CADPS: variants seen among roughly 807,000 people sequenced by gnomAD.
CADPS encodes the protein calcium-dependent secretion activator 1.
Under a neutral mutation model 167.3 loss-of-function variants are expected in CADPS, and 57 were observed. The ratio of observed to expected loss-of-function variants is 0.34; its 90% CI spans 0.28 to 0.42. CADPS has a LOEUF of 0.42. Ranked by LOEUF, CADPS falls within the 20% of genes least tolerant of loss-of-function variation. The probability of loss-of-function intolerance (pLI) is 1.00; values close to 1 mark genes in which losing one functional copy is unlikely to be tolerated. For synonymous variants in CADPS, 676 were observed against 635.3 expected (o/e 1.06, Z -0.96); for missense variants, 1,414 against 1,738.1 (o/e 0.81, Z 3.32).
chr3:62,532,756 T>C (rs1475683964), intron 13 of CADPS, 115 bp downstream of exon 13: 5 of 739,362 alleles, frequency 6.8e-6, no homozygotes, highest in South Asian at 1.7e-5. Context: ...TGTGTACGTG[T>C]GCACATACCA....
chr3:62,550,969 C>T, intron 10 of CADPS: 2 of 455,636 alleles, frequency 4.4e-6, no homozygotes, highest in African/African-American at 2.0e-5. Context: ...GTGGCTCCTC[C>T]TCCTCCTCTT....
Position 62,515,963 on chromosome 3 carries a change from C to A in CADPS, c.2581+96G>T, listed in dbSNP as rs542379011. The A allele has an allele frequency of 4.7e-4, 686 of 1,460,906 alleles. 10 individuals are homozygous for A. The South Asian group carries it at 7.9e-3, about 17-fold the overall frequency. 90.5% of individuals were successfully genotyped at this position (1,460,906 alleles called of 1,614,324 possible). A position where few individuals can be genotyped will look rare whatever the true frequency, so the allele number is the denominator to read the frequency against. On this transcript the variant is annotated intron_variant, in intron 16 of 29. Transcript: ENST00000383710. ...TTTCAGCTTAATATACTCAGACGGACCACTGTTTTCAGGTGCCCTTGAGAA... is the reference window on the plus strand; with the variant it reads ...TTTCAGCTTAATATACTCAGACGGAACACTGTTTTCAGGTGCCCTTGAGAA...
At chr3:62,452,551 G>C (rs1576271474) in intron 26 of CADPS, among the ~76,000 whole-genome samples, 1 of 151,990 alleles carries the variant, frequency 6.6e-6, no homozygotes, top group African/African-American at 2.4e-5. Context: ...TATGAATTAA[G>C]AATTTCTATG....
At chr3:62,453,028 G>A (rs570549138) in intron 26 of CADPS, among the ~76,000 whole-genome samples, 1 of 152,290 alleles carries the variant, frequency 6.6e-6, no homozygotes, top group Non-Finnish European at 1.5e-5. Context: ...AGCTACTCAG[G>A]AGGCTGAGGC....
At chr3:62,442,510 C>T (rs1332749824) in intron 27 of CADPS, among the ~76,000 whole-genome samples, 2 of 152,112 alleles carry the variant, frequency 1.3e-5, no homozygotes, top group Admixed American at 6.6e-5. Flanking sequence ...TGAGCTGCTT[C>T]GCCCGGCATA....
chr3:62,872,408 T>C (rs2082795883), intron 1 of CADPS, among the ~76,000 whole-genome samples: 1 of 152,174 alleles, frequency 6.6e-6, no homozygotes, highest in Non-Finnish European at 1.5e-5. Context: ...AGGAGATATA[T>C]ATATATATTT....
At chr3:62,499,520 A>G (rs1157097575) in intron 17 of CADPS, 3 of 293,762 alleles carry the variant, frequency 1.0e-5, no homozygotes, top group Admixed American at 4.3e-5. Context: ...TATTAAGTCT[A>G]TGACAGCCCA....
At chr3:62,563,662 C>T (rs1006686543) in intron 9 of CADPS, among the ~76,000 whole-genome samples, 2 of 152,024 alleles carry the variant, frequency 1.3e-5, no homozygotes, top group African/African-American at 4.8e-5. Context: ...ACAATGAACC[C>T]AATTTGTGGT....
At chr3:62,709,250 G>A (rs1053774099) in intron 3 of CADPS, among the ~76,000 whole-genome samples, 5 of 152,044 alleles carry the variant, frequency 3.3e-5, no homozygotes, top group South Asian at 2.1e-4. Flanking sequence ...TTCTTCATGC[G>A]TGATCAGACT....
chr3:62,573,728 A>C (rs996445096), intron 8 of CADPS, among the ~76,000 whole-genome samples: 1 of 152,188 alleles, frequency 6.6e-6, no homozygotes, highest in Admixed American at 6.5e-5. Context: ...TGATGTCATC[A>C]TCTCCTAGGC....
chr3:62,434,502 T>G (rs1027417201), intron 28 of CADPS, among the ~76,000 whole-genome samples: 1 of 152,222 alleles, frequency 6.6e-6, no homozygotes, highest in East Asian at 1.9e-4. Context: ...TATGTCCAAA[T>G]GTATTTCTCC....
chr3:62,804,684 C>A (rs547521531), intron 1 of CADPS, among the ~76,000 whole-genome samples: 1 of 151,834 alleles, frequency 6.6e-6, no homozygotes, highest in South Asian at 2.1e-4. Flanking sequence ...TGTTGCCTTG[C>A]AAATCTATAG....
rs1233796376 is a variant in CADPS, at chr3:62,782,167, CA to C, written c.442-16184del. 6.6e-5 allele frequency among the ~76,000 whole-genome samples: 10 copies of C among 152,152 alleles called. No homozygotes were observed. In the South Asian group the frequency reaches 1.5e-3, roughly 22 times the overall value. On this transcript the variant is annotated intron_variant, in intron 1 of 29. Transcript: ENST00000383710. ...AAGGTGGGAGACAGAAAAGAAATACCAGGGGGGAAAAAAGACATTTCCCCCT... is the reference window on the plus strand; with the variant it reads ...AAGGTGGGAGACAGAAAAGAAATACCGGGGGGAAAAAAGACATTTCCCCCT...
chr3:62,695,714 A>G (rs13060104), intron 3 of CADPS, among the ~76,000 whole-genome samples: 12,072 of 152,102 alleles, frequency 0.079, 633 homozygotes, highest in Non-Finnish European at 0.12. Flanking sequence ...TCTATCACCC[A>G]GGCTGGAATG....
intron 28 of CADPS, among the ~76,000 whole-genome samples, chr3:62,432,469 A>T (rs1430804898): frequency 6.6e-6 from 1 of 152,218 alleles, no homozygotes; most frequent in Non-Finnish European, 1.5e-5. Context: ...GCTGCTCTAC[A>T]TCAAGCAATT....
chr3:62,797,841 T>G lies in CADPS; in HGVS notation c.442-31857A>C, dbSNP rs574914387. Among the ~76,000 whole-genome samples the G allele has an allele frequency of 4.5e-4, 68 of 152,020 alleles. 1 individual carries two copies. The South Asian group carries it at 9.6e-3, about 21-fold the overall frequency. ...AGTTAAAAAAAGAAAAAAAGAAAAATAAAAGGTTTCCTGAAAGTAATCTAT... is the reference window on the plus strand; with the variant it reads ...AGTTAAAAAAAGAAAAAAAGAAAAAGAAAAGGTTTCCTGAAAGTAATCTAT... On this transcript the variant is annotated intron_variant, in intron 1 of 29. Transcript: ENST00000383710.
At chr3:62,480,440 G>A (rs150405402) in intron 22 of CADPS, among the ~76,000 whole-genome samples, 54 of 152,130 alleles carry the variant, frequency 3.5e-4, no homozygotes, top group African/African-American at 1.2e-3. Flanking sequence ...AATTTTTGGA[G>A]GTTGTAATTT....
chr3:62,637,802 C>A (rs1293679289), intron 6 of CADPS, among the ~76,000 whole-genome samples: 1 of 152,142 alleles, frequency 6.6e-6, no homozygotes, highest in African/African-American at 2.4e-5. Context: ...TAAATAACTT[C>A]ACCTCTCTGG....
At chr3:62,819,839 G>C (rs2094815645) in intron 1 of CADPS, among the ~76,000 whole-genome samples, 1 of 152,138 alleles carries the variant, frequency 6.6e-6, no homozygotes, top group African/African-American at 2.4e-5. Flanking sequence ...ACTTGGAGAG[G>C]AAAACTGGAA....
Sources: allele counts gnomAD v4.1 joint callset (sites outside exome capture counted in the v4.1 genomes callset), GRCh38; gene constraint gnomAD v4.1.1; transcripts MANE v1.5; gene names NCBI Gene and HGNC (gene_info 2026-07-23, HGNC 2026-07-21).